The following GABBR2 variants were observed in gnomAD, a reference collection of about 807,000 sequenced individuals.
GABBR2 encodes the protein gamma-aminobutyric acid type B receptor subunit 2, also known as G-protein coupled receptor 51.
In GABBR2, 23 loss-of-function variants were observed where a neutral mutation model predicts 105.6. The observed-to-expected ratio is 0.22, with a 90% CI of 0.16 to 0.31. GABBR2 has a LOEUF of 0.31. GABBR2 is among the 10% of genes least tolerant of loss of function. The pLI is 1.00. For synonymous variants in GABBR2, 478 were observed against 499.7 expected (o/e 0.96, Z 0.58); for missense variants, 734 against 1,245.5 (o/e 0.59, Z 6.18).
At chr9:98,622,726 C>G (rs1430131495) in intron 1 of GABBR2, among the ~76,000 whole-genome samples, 1 of 152,200 alleles carries the variant, frequency 6.6e-6, no homozygotes, top group Admixed American at 6.5e-5. Context: ...GGGTGGTACT[C>G]TTTGATGTCA....
intron 13 of GABBR2, among the ~76,000 whole-genome samples, chr9:98,361,086 C>T (rs1831573639): frequency 6.6e-6 from 1 of 152,168 alleles, no homozygotes; most frequent in Non-Finnish European, 1.5e-5. Flanking sequence ...GAGAACATTT[C>T]CCTGCCCTAC....
At chr9:98,657,549 C>T (rs1240337655) in intron 1 of GABBR2, among the ~76,000 whole-genome samples, 1 of 152,142 alleles carries the variant, frequency 6.6e-6, no homozygotes, top group East Asian at 1.9e-4. Context: ...ATGAAAAACA[C>T]GTGGCCACAA....
chr9:98,648,688 T>C (rs1308374829), intron 1 of GABBR2, among the ~76,000 whole-genome samples: 1 of 152,130 alleles, frequency 6.6e-6, no homozygotes, highest in Non-Finnish European at 1.5e-5. Flanking sequence ...CATAATCAAT[T>C]GAATAGCTTT....
chr9:98,593,158 T>A (rs546276495), intron 1 of GABBR2, among the ~76,000 whole-genome samples: 1 of 152,234 alleles, frequency 6.6e-6, no homozygotes, highest in African/African-American at 2.4e-5. Context: ...TCTAATTATT[T>A]TTAAGTGTAC....
At position 98,306,069 on chromosome 9, in the gene GABBR2, C is replaced by T; in HGVS notation, c.2229+52G>A. On this transcript the variant is annotated intron_variant, in intron 15 of 18. Transcript: ENST00000259455. The surrounding 1 kb of genome is among the most constrained non-coding windows in gnomAD (Gnocchi z 5.4). ...AGAATGGAGAAAAGCCAGCAATGCC[C>T]CTGTGCTGGAGTCAGAGGGCAGAGG... 1 of 1,219,754 alleles carries T rather than the reference C, an allele frequency of 8.2e-7. No individual in the cohort carries two copies. The highest frequency in any genetic ancestry group is 1.2e-6 in the Non-Finnish European group (1 of 829,354). The allele number at this position is 1,219,754 out of a possible 1,614,324, so 75.6% of individuals were successfully genotyped here.
intron 7 of GABBR2, among the ~76,000 whole-genome samples, chr9:98,411,849 T>G (rs1367440330): frequency 6.6e-6 from 1 of 152,178 alleles, no homozygotes; most frequent in South Asian, 2.1e-4. Flanking sequence ...GCTGGGATTA[T>G]AGTTGTGAAC....
Position 98,648,258 on chromosome 9 carries a change from A to C in GABBR2, c.321+60159T>G, listed in dbSNP as rs149052665. On this transcript the variant is annotated intron_variant, in intron 1 of 18. Coordinates refer to ENST00000259455, the MANE Select transcript of GABBR2 (RefSeq NM_005458.8). ...GCCATTCTCCCACCTCAGCCTCCTGAGTAGCTGGGATTACAGGCAGCTGCC... is the reference window on the plus strand; with the variant it reads ...GCCATTCTCCCACCTCAGCCTCCTGCGTAGCTGGGATTACAGGCAGCTGCC... 5.7e-3 allele frequency among the ~76,000 whole-genome samples: 872 copies of C among 152,068 alleles called. 21 individuals are homozygous for C. The highest frequency in any genetic ancestry group is 0.057 in the East Asian group (295 of 5,164).
chr9:98,587,260 A>T (rs183138675), intron 1 of GABBR2, among the ~76,000 whole-genome samples: 162 of 151,922 alleles, frequency 1.1e-3, no homozygotes, highest in African/African-American at 3.7e-3. Flanking sequence ...TGTTCAGAGC[A>T]CTCCCAGCCA....
intron 7 of GABBR2, among the ~76,000 whole-genome samples, chr9:98,426,130 A>G (rs73502855): frequency 0.13 from 19,718 of 152,162 alleles, 1,739 homozygotes; most frequent in East Asian, 0.37. Context: ...TAAGAAGTGT[A>G]GACACTTTGT....
intron 1 of GABBR2, among the ~76,000 whole-genome samples, chr9:98,657,280 T>C (rs1477941251): frequency 1.3e-5 from 2 of 152,328 alleles, no homozygotes; most frequent in East Asian, 1.9e-4. Flanking sequence ...TAAAGAAATA[T>C]TTCTCTGTAT....
chr9:98,354,277 A>G (rs1157358878), intron 13 of GABBR2, among the ~76,000 whole-genome samples: 2 of 152,190 alleles, frequency 1.3e-5, no homozygotes, highest in Non-Finnish European at 2.9e-5. Flanking sequence ...ACAATTCTTC[A>G]GGGCCCTAGG....
At chr9:98,400,968 G>T (rs1332112946) in intron 8 of GABBR2, among the ~76,000 whole-genome samples, 1 of 152,158 alleles carries the variant, frequency 6.6e-6, no homozygotes, top group East Asian at 1.9e-4. Context: ...GACTGCCCAT[G>T]AAATGAGGTG....
chr9:98,567,890 G>C (rs1421653069), intron 2 of GABBR2, among the ~76,000 whole-genome samples: 1 of 152,162 alleles, frequency 6.6e-6, no homozygotes, highest in Non-Finnish European at 1.5e-5. Context: ...TGGGGTGGTG[G>C]TGTTGGGTGG....
At chr9:98,664,291 C>A (rs1267275679) in intron 1 of GABBR2, among the ~76,000 whole-genome samples, 1 of 152,192 alleles carries the variant, frequency 6.6e-6, no homozygotes, top group Non-Finnish European at 1.5e-5. Context: ...TAGTGATCCC[C>A]ATTGTATTCC....
chr9:98,464,428 T>C (rs59511105), intron 6 of GABBR2, among the ~76,000 whole-genome samples: 1 of 142,064 alleles, frequency 7.0e-6, no homozygotes, highest in African/African-American at 2.7e-5. Context: ...GGAGCGCCTC[T>C]GGCCGGCTGC....
At chr9:98,552,325 T>C (rs1389400419) in intron 2 of GABBR2, among the ~76,000 whole-genome samples, 3 of 152,230 alleles carry the variant, frequency 2.0e-5, no homozygotes, top group Non-Finnish European at 4.4e-5. Context: ...TTAATCTTTT[T>C]CCACGACTTT....
chr9:98,694,567 C>G (rs1294538533), intron 1 of GABBR2, among the ~76,000 whole-genome samples: 1 of 152,232 alleles, frequency 6.6e-6, no homozygotes, highest in East Asian at 1.9e-4. Flanking sequence ...TAAATGATCA[C>G]TCACATGAAT....
intron 2 of GABBR2, among the ~76,000 whole-genome samples, chr9:98,568,375 C>T (rs931710801): frequency 1.2e-4 from 19 of 152,234 alleles, no homozygotes; most frequent in Middle Eastern, 3.2e-3. Flanking sequence ...ATGCTGGACA[C>T]ATGGCGTAAC....
chr9:98,606,486 T>C, intron 1 of GABBR2, among the ~76,000 whole-genome samples: 1 of 132,056 alleles, frequency 7.6e-6, no homozygotes. Flanking sequence ...TTTTTTTCTT[T>C]TTTTTTTTTT....
Sources: gnomAD v4.1 joint callset for allele counts (sites outside exome capture counted in the v4.1 genomes callset) on GRCh38, gnomAD v4.1.1 for gene constraint, Gnocchi (gnomAD v3.1) non-coding constraint, MANE v1.5 for transcripts, NCBI Gene and HGNC (gene_info 2026-07-23, HGNC 2026-07-21) for gene names.